GLRB: variants seen among roughly 807,000 people sequenced by gnomAD.
GLRB encodes glycine receptor subunit beta.
A neutral mutation model predicts 54.2 loss-of-function variants in GLRB; 33 were observed. The ratio of observed to expected loss-of-function variants is 0.61; its 90% CI spans 0.46 to 0.81. The LOEUF (loss-of-function observed/expected upper bound fraction) is 0.81, where lower values mean the gene tolerates loss of function less well. Among genes scored for constraint, GLRB ranks in the 40% least tolerant of loss-of-function variants. GLRB has a pLI of 0.00. For missense variants in GLRB, 572 were observed against 584.6 expected, an observed-to-expected ratio of 0.98 and a Z score of 0.22; for synonymous variants, 209 against 208.2, an observed-to-expected ratio of 1.00 and a Z score of -0.03.
intron 2 of GLRB, among the ~76,000 whole-genome samples, chr4:157,083,012 AT>A: frequency 6.7e-6 from 1 of 149,662 alleles, no homozygotes; most frequent in East Asian, 2.0e-4. Context: ...ACAATTTAGT[AT>A]TTTAAGAAAG....
intron 2 of GLRB, among the ~76,000 whole-genome samples, chr4:157,096,155 G>T (rs931953237): frequency 2.6e-5 from 4 of 152,150 alleles, no homozygotes; most frequent in African/African-American, 9.7e-5. Context: ...CCAGGCAGGG[G>T]AACAGTGCAA....
chr4:157,091,540 C>T (rs757064810), intron 2 of GLRB, among the ~76,000 whole-genome samples: 11 of 152,286 alleles, frequency 7.2e-5, no homozygotes, highest in East Asian at 5.8e-4. Flanking sequence ...ACTCTGTGGA[C>T]AGTAACAGAA....
At chr4:157,140,161 G>A (rs1736555454) in intron 7 of GLRB, among the ~76,000 whole-genome samples, 1 of 151,852 alleles carries the variant, frequency 6.6e-6, no homozygotes, top group Admixed American at 6.6e-5. Flanking sequence ...CGAATATATT[G>A]CTAAATAATT....
At chr4:157,088,667 C>T (rs1040057505) in intron 2 of GLRB, among the ~76,000 whole-genome samples, 8 of 152,130 alleles carry the variant, frequency 5.3e-5, no homozygotes, top group African/African-American at 1.7e-4. Context: ...CATCATCCTT[C>T]CTTTTCTCCT....
At chr4:157,152,069 T>A (rs931774077) in intron 8 of GLRB, among the ~76,000 whole-genome samples, 19 of 152,204 alleles carry the variant, frequency 1.2e-4, no homozygotes, top group Admixed American at 9.2e-4. Flanking sequence ...TTATTGCAAT[T>A]CTTCTTTGGA....
intron 9 of GLRB, among the ~76,000 whole-genome samples, chr4:157,157,367 T>A (rs1023098452): frequency 1.3e-5 from 2 of 152,172 alleles, no homozygotes; most frequent in African/African-American, 4.8e-5. Flanking sequence ...ACACTTTAAA[T>A]TCTAGGGTAC....
At chr4:157,091,956 TA>T (rs1293908487) in intron 2 of GLRB, among the ~76,000 whole-genome samples, 1 of 152,204 alleles carries the variant, frequency 6.6e-6, no homozygotes, top group East Asian at 1.9e-4. Flanking sequence ...ATTAACACTA[TA>T]CAAAATCAAA....
intron 8 of GLRB, among the ~76,000 whole-genome samples, chr4:157,149,006 A>C (rs1293735780): frequency 6.6e-6 from 1 of 152,114 alleles, no homozygotes; most frequent in Admixed American, 6.6e-5. Context: ...TAAAAAGAAA[A>C]GGAAATAATA....
chr4:157,087,195 C>T (rs887463218), intron 2 of GLRB, among the ~76,000 whole-genome samples: 4 of 152,092 alleles, frequency 2.6e-5, no homozygotes, highest in African/African-American at 9.7e-5. Context: ...TAGTGGTTCA[C>T]TGGGACTGTA....
At chr4:157,153,939 A>T (rs1352347147) in intron 9 of GLRB, among the ~76,000 whole-genome samples, 2 of 152,208 alleles carry the variant, frequency 1.3e-5, no homozygotes, top group Admixed American at 6.5e-5. Flanking sequence ...AGTATACCGC[A>T]TGCGGTTCTT....
intron 7 of GLRB, among the ~76,000 whole-genome samples, chr4:157,139,849 A>G (rs1310904171): frequency 6.6e-6 from 1 of 152,016 alleles, no homozygotes. Flanking sequence ...AAATATATAT[A>G]GTATAATTGT....
chr4:157,170,743 T>A lies in GLRB; in HGVS notation c.*15T>A. 1 of 1,363,092 alleles carries A rather than the reference T, an allele frequency of 7.3e-7. No homozygotes were observed. The highest frequency in any genetic ancestry group is 1.5e-5 in the South Asian group (1 of 65,250). 84.4% of individuals were successfully genotyped at this position (1,363,092 alleles called of 1,614,324 possible). A position where few individuals can be genotyped will look rare whatever the true frequency, so the allele number is the denominator to read the frequency against. Reference sequence around the variant, plus strand: ...TATATTTATGATAAATCTTTTCCATTTGTACAAAATAAAATTCCATTTCAT... The same window carrying A: ...TATATTTATGATAAATCTTTTCCATATGTACAAAATAAAATTCCATTTCAT... On this transcript the variant is annotated 3_prime_UTR_variant, in exon 10 of 10. Transcript: ENST00000264428.
intron 2 of GLRB, among the ~76,000 whole-genome samples, chr4:157,104,443 A>G (rs1390603901): frequency 2.0e-5 from 3 of 151,560 alleles, no homozygotes; most frequent in Non-Finnish European, 4.4e-5. Flanking sequence ...TTAATGTGCT[A>G]TTGAATTGAG....
chr4:157,122,249 A>T, intron 3 of GLRB, 81 bp from the exon 4 acceptor site: 1 of 609,402 alleles, frequency 1.6e-6, no homozygotes, highest in Non-Finnish European at 3.0e-6. Context: ...ATAATAATTA[A>T]ATGTGCAAAC....
At chr4:157,123,886 C>T (rs1405127017) in intron 4 of GLRB, among the ~76,000 whole-genome samples, 7 of 151,634 alleles carry the variant, frequency 4.6e-5, no homozygotes, top group African/African-American at 1.7e-4. Flanking sequence ...TTGCATGCCC[C>T]TGTGATCAGA....
At chr4:157,078,195 G>T in intron 2 of GLRB, 49 bp downstream of exon 2, 1 of 1,606,828 alleles carries the variant, frequency 6.2e-7, no homozygotes, top group East Asian at 2.2e-5. Flanking sequence ...GTTATTGCGT[G>T]TTTTATAAAA....
intron 4 of GLRB, among the ~76,000 whole-genome samples, chr4:157,131,793 G>A (rs1225672599): frequency 1.3e-5 from 2 of 151,596 alleles, no homozygotes; most frequent in African/African-American, 4.8e-5. Context: ...ATATTCCATT[G>A]TCTGAATGTA....
intron 4 of GLRB, among the ~76,000 whole-genome samples, chr4:157,130,326 T>C (rs537802408): frequency 6.6e-6 from 1 of 151,842 alleles, no homozygotes; most frequent in Admixed American, 6.6e-5. Flanking sequence ...CACTTACTGC[T>C]GTTGACCATC....
chr4:157,136,419 T>G (rs1284260210), intron 4 of GLRB, 50 bp from the exon 5 acceptor site: 1 of 1,083,514 alleles, frequency 9.2e-7, no homozygotes, highest in South Asian at 1.3e-5. Flanking sequence ...AATAAGTTCT[T>G]AAAAATAGCA....
Sources: allele counts gnomAD v4.1 joint callset (sites outside exome capture counted in the v4.1 genomes callset), GRCh38; gene constraint gnomAD v4.1.1; transcripts MANE v1.5; gene names NCBI Gene and HGNC (gene_info 2026-07-23, HGNC 2026-07-21).